The following RFTN1 variants were observed in gnomAD, a reference collection of about 807,000 sequenced individuals.
RFTN1 encodes raftlin.
Under a neutral mutation model 46.5 loss-of-function variants are expected in RFTN1, and 26 were observed. The observed-to-expected ratio is 0.56, with a 90% CI of 0.41 to 0.78. RFTN1 has a LOEUF of 0.78. RFTN1 is among the 30% of genes least tolerant of loss of function. The pLI, the probability that RFTN1 is intolerant of heterozygous loss-of-function variation, is 0.00. For synonymous variants in RFTN1, 261 were observed against 284.2 expected, an observed-to-expected ratio of 0.92 and a Z score of 0.82; for missense variants, 693 against 718.7, an observed-to-expected ratio of 0.96 and a Z score of 0.41.
chr3:16,438,430 C>T (rs1362917644), intron 2 of RFTN1, among the ~76,000 whole-genome samples: 1 of 151,354 alleles, frequency 6.6e-6, no homozygotes, highest in Non-Finnish European at 1.5e-5. Context: ...ACCCAAAATA[C>T]AAAAATTAGC....
chr3:16,326,741 A>C, intron 8 of RFTN1, 32 bp downstream of exon 8: 1 of 1,511,874 alleles, frequency 6.6e-7, no homozygotes, highest in Non-Finnish European at 9.2e-7. Context: ...GTAAGTGTTC[A>C]ATAGAATCCT....
At position 16,474,245 on chromosome 3, in the gene RFTN1, C is replaced by T. The variant is rs574567047; in HGVS notation, c.145+19480G>A. On this transcript the variant is annotated intron_variant, in intron 2 of 9. Coordinates refer to ENST00000334133, the MANE Select transcript of RFTN1 (RefSeq NM_015150.2). The surrounding 1 kb of genome is among the most constrained non-coding windows in gnomAD (Gnocchi z 5.5). ...GCATTTTACAGATAAGAAACTCAGACTCACAGGGCCTAAGTAACTCATCCG... is the reference window on the plus strand; with the variant it reads ...GCATTTTACAGATAAGAAACTCAGATTCACAGGGCCTAAGTAACTCATCCG... 6.6e-6 allele frequency among the ~76,000 whole-genome samples: 1 copy of T among 152,194 alleles called. No individual in the cohort carries two copies. The highest frequency in any genetic ancestry group is 1.5e-5 in the Non-Finnish European group (1 of 68,042).
Position 16,327,078 on chromosome 3 carries a change from C to G in RFTN1, c.1147-202G>C, listed in dbSNP as rs954528461. 1.3e-5 allele frequency among the ~76,000 whole-genome samples: 2 copies of G among 152,172 alleles called. No homozygotes were observed. Among genetic ancestry groups the G allele is most frequent in the African/African-American group, 2.4e-5 (1 of 41,428 alleles). On this transcript the variant is annotated intron_variant, in intron 7 of 9. Transcript: ENST00000334133. The surrounding 1 kb of genome is among the most constrained non-coding windows in gnomAD (Gnocchi z 4.2). ...CCAACATGGGATTTCCTTCTGGGCCCCATTTCAGTCTGTGATGTCAGCAAG... is the reference window on the plus strand; with the variant it reads ...CCAACATGGGATTTCCTTCTGGGCCGCATTTCAGTCTGTGATGTCAGCAAG...
chr3:16,486,139 C>A (rs528281931), intron 2 of RFTN1, among the ~76,000 whole-genome samples: 2 of 152,240 alleles, frequency 1.3e-5, no homozygotes, highest in African/African-American at 2.4e-5. Context: ...GTCCCTAGGA[C>A]CACCTCCTAA....
Position 16,321,032 on chromosome 3 carries a change from C to T in RFTN1, c.1332+2344G>A, listed in dbSNP as rs977295236. On this transcript the variant is annotated intron_variant, in intron 9 of 9. Transcript: ENST00000334133. The surrounding 1 kb of genome is among the most constrained non-coding windows in gnomAD (Gnocchi z 4.8). Reference sequence around the variant, plus strand: ...GAGAAGTGGAGGGATTCCAGAGCCTCCGGGACCTAACACAGATGGGTCTTA... The same window carrying T: ...GAGAAGTGGAGGGATTCCAGAGCCTTCGGGACCTAACACAGATGGGTCTTA... Among the ~76,000 whole-genome samples the T allele has an allele frequency of 1.6e-4, 25 of 152,178 alleles. No homozygotes were observed. The highest frequency in any genetic ancestry group is 2.6e-4 in the Admixed American group (4 of 15,290).
Position 16,389,643 on chromosome 3 carries a change from G to A in RFTN1, c.442-11541C>T, listed in dbSNP as rs1182847081. Among the ~76,000 whole-genome samples, 5 of 152,220 alleles carry A rather than the reference G, an allele frequency of 3.3e-5. No homozygotes were observed. In the Middle Eastern group the frequency reaches 0.01, roughly 311 times the overall value. On this transcript the variant is annotated intron_variant, in intron 4 of 9. Coordinates refer to ENST00000334133, the MANE Select transcript of RFTN1 (RefSeq NM_015150.2). ...TTTTTATTTGTTACGTATTCTCAAA[G>A]TTCTCTCCTAGTAGAAGAATGAACC...
At position 16,376,924 on chromosome 3, in the gene RFTN1, A is replaced by T. The variant is rs763696093; in HGVS notation, c.826+794T>A. Among the ~76,000 whole-genome samples, 24 of 152,084 alleles carry T rather than the reference A, an allele frequency of 1.6e-4. No homozygotes were observed. The highest frequency in any genetic ancestry group is 4.6e-4 in the Admixed American group (7 of 15,280). On this transcript the variant is annotated intron_variant, in intron 5 of 9. Transcript: ENST00000334133. The surrounding 1 kb of genome is among the most constrained non-coding windows in gnomAD (Gnocchi z 4.7). ...GGTAATAACAATATTAACCAGGGAG[A>T]TCATCCAGAAAGGCCTAAACAGAAA...
rs761444438 is a variant in RFTN1 at position 16,353,287 on chromosome 3, G to A, written c.1146+4645C>T. On this transcript the variant is annotated intron_variant, in intron 7 of 9. Coordinates refer to ENST00000334133, the MANE Select transcript of RFTN1 (RefSeq NM_015150.2). This position sits in a 1 kb window ranked among gnomAD's most constrained non-coding sequence, Gnocchi z 5.4. ...TAGCTGGGTCTCAAGGGTAGAAGAC[G>A]TGAGAGCTGGAAAAATGCCCCCAGC... Among the ~76,000 whole-genome samples, 2 of 152,226 alleles carry A rather than the reference G, an allele frequency of 1.3e-5. No individual in the cohort carries two copies. Among genetic ancestry groups the A allele is most frequent in the Non-Finnish European group, 2.9e-5 (2 of 68,036 alleles).
intron 8 of RFTN1, among the ~76,000 whole-genome samples, chr3:16,325,363 G>T (rs539477483): frequency 2.0e-5 from 3 of 152,328 alleles, no homozygotes; most frequent in African/African-American, 7.2e-5. Flanking sequence ...GGAGGTGGAG[G>T]ATTAGGAAGG....
At chr3:16,510,108 G>C (rs577268421) in intron 1 of RFTN1, among the ~76,000 whole-genome samples, 39 of 152,278 alleles carry the variant, frequency 2.6e-4, no homozygotes, top group African/African-American at 9.4e-4. Context: ...ACAATAAGAG[G>C]GGTGTTGACA....
At chr3:16,476,142 C>T (rs1168415078) in intron 2 of RFTN1, among the ~76,000 whole-genome samples, 1 of 152,224 alleles carries the variant, frequency 6.6e-6, no homozygotes. Context: ...GTGCAAACTG[C>T]ATCCTCGCTT....
At chr3:16,366,913 TGAACGACCCAG>T (rs1454344407) in intron 6 of RFTN1, among the ~76,000 whole-genome samples, 1 of 152,312 alleles carries the variant, frequency 6.6e-6, no homozygotes, top group African/African-American at 2.4e-5. Flanking sequence ...TAAGGTTTAA[TGAACGACCCAG>T]GGAGAGGAGT....
At chr3:16,343,280 T>C (rs1265877488) in intron 7 of RFTN1, among the ~76,000 whole-genome samples, 1 of 152,086 alleles carries the variant, frequency 6.6e-6, no homozygotes, top group African/African-American at 2.4e-5. Context: ...CATCTGGGAG[T>C]TGACAGTCCT....
chr3:16,326,894 G>A lies in RFTN1; in HGVS notation c.1147-18C>T, dbSNP rs781260338. The stretch of plus-strand genomic sequence containing the variant: ...TCGACACCCTGGGGGAACAAGGCCA[G>A]CATTAGGGCTGCTGCTGCCACAAGC... On this transcript the variant is annotated intron_variant, in intron 7 of 9. Transcript: ENST00000334133. 1.1e-5 allele frequency: 17 copies of A among 1,597,306 alleles called. No individual in the cohort carries two copies. The highest frequency in any genetic ancestry group is 3.5e-4 in the Middle Eastern group (2 of 5,658).
rs2075253950 is a variant in RFTN1, at chr3:16,424,547, T to C, written c.332+9304A>G. ...CTCTCAGAAACAGGTGTTATGTGAA[T>C]ACAAGCTGCTAATTTGGTTTTTAAA... On this transcript the variant is annotated intron_variant, in intron 3 of 9. Transcript: ENST00000334133. This position sits in a 1 kb window ranked among gnomAD's most constrained non-coding sequence, Gnocchi z 4.7. Among the ~76,000 whole-genome samples the C allele has an allele frequency of 1.3e-5, 2 of 152,222 alleles. No homozygotes were observed. The highest frequency in any genetic ancestry group is 4.1e-4 in the South Asian group (2 of 4,828).
Position 16,427,331 on chromosome 3 carries a change from C to G in RFTN1, c.332+6520G>C. Among the ~76,000 whole-genome samples the G allele has an allele frequency of 6.6e-6, 1 of 152,204 alleles. No homozygotes were observed. Among genetic ancestry groups the G allele is most frequent in the Admixed American group, 6.5e-5 (1 of 15,286 alleles). ...CTGTAGGGATCTGAGCTTGCAAGCC[C>G]TGTCTTAGAATAAAGACAGAGTCTT... On this transcript the variant is annotated intron_variant, in intron 3 of 9. Transcript: ENST00000334133. This position sits in a 1 kb window ranked among gnomAD's most constrained non-coding sequence, Gnocchi z 5.4.
intron 2 of RFTN1, among the ~76,000 whole-genome samples, chr3:16,469,766 T>C (rs949406967): frequency 6.6e-6 from 1 of 152,188 alleles, no homozygotes; most frequent in African/African-American, 2.4e-5. Flanking sequence ...TTTTCCCTCC[T>C]TGCACAACAG....
chr3:16,493,248 T>C (rs2076569708), intron 2 of RFTN1, among the ~76,000 whole-genome samples: 1 of 152,026 alleles, frequency 6.6e-6, no homozygotes, highest in Non-Finnish European at 1.5e-5. Context: ...TTTTTTTTTT[T>C]TGAGACAGAG....
rs1212401612 is a variant in RFTN1 at position 16,345,479 on chromosome 3, G to A, written c.1146+12453C>T. Among the ~76,000 whole-genome samples the A allele has an allele frequency of 6.6e-6, 1 of 152,190 alleles. No individual in the cohort carries two copies. The highest frequency in any genetic ancestry group is 6.5e-5 in the Admixed American group (1 of 15,286). On this transcript the variant is annotated intron_variant, in intron 7 of 9. Transcript: ENST00000334133. The surrounding 1 kb of genome is among the most constrained non-coding windows in gnomAD (Gnocchi z 5.2). ...AGATTAGCATTTGAATGGGTCAACT[G>A]AGTAGACCAGATGGCCCTCCCCAGT...
Sources: allele counts gnomAD v4.1 joint callset (sites outside exome capture counted in the v4.1 genomes callset), GRCh38; gene constraint gnomAD v4.1.1; non-coding constraint Gnocchi (gnomAD v3.1); transcripts MANE v1.5; gene names NCBI Gene and HGNC (gene_info 2026-07-23, HGNC 2026-07-21).